The following ANKRD30B variants were observed in gnomAD, a reference collection of about 807,000 sequenced individuals.
ANKRD30B encodes the protein ankyrin repeat domain-containing protein 30B.
Under a neutral mutation model 202.2 loss-of-function variants are expected in ANKRD30B, and 144 were observed. The ratio of observed to expected loss-of-function variants is 0.71; its 90% CI spans 0.62 to 0.82. The LOEUF is 0.82. Ranked by LOEUF, ANKRD30B falls within the 40% of genes least tolerant of loss-of-function variation. The pLI is 0.00. For synonymous variants in ANKRD30B, 508 were observed against 561.3 expected, an observed-to-expected ratio of 0.91 and a Z score of 1.34; for missense variants, 1,487 against 1,669.1, an observed-to-expected ratio of 0.89 and a Z score of 1.90.
chr18:14,819,516 A>T lies in ANKRD30B; in HGVS notation c.2642-2967A>T, dbSNP rs9960064. 1.4e-3 allele frequency among the ~76,000 whole-genome samples: 212 copies of T among 152,170 alleles called. 2 individuals are homozygous for T. Among genetic ancestry groups the T allele is most frequent in the African/African-American group, 5.0e-3 (206 of 41,526 alleles). On this transcript the variant is annotated intron_variant, in intron 30 of 43. Coordinates refer to ENST00000690538, the MANE Select transcript of ANKRD30B (RefSeq NM_001367607.2). ...TTTAGGTCTAACGTTTAAGTCTTTA[A>T]TCCATCTTGAATTACTTTTTGTATA...
At chr18:14,809,647 T>G (rs34188432) in intron 26 of ANKRD30B, among the ~76,000 whole-genome samples, 2 of 150,940 alleles carry the variant, frequency 1.3e-5, no homozygotes, top group Admixed American at 6.6e-5. Context: ...CCTCCCTGAC[T>G]GCACGTCCAT....
At chr18:14,753,526 G>C (rs1325707249) in intron 3 of ANKRD30B, among the ~76,000 whole-genome samples, 2 of 152,108 alleles carry the variant, frequency 1.3e-5, no homozygotes, top group African/African-American at 4.8e-5. Flanking sequence ...TTTTGCCTCT[G>C]TAAATATTTC....
In ANKRD30B at chr18:14,786,039, C is replaced by T. The variant is rs1331231425; in HGVS notation, c.1673-1000C>T. The stretch of plus-strand genomic sequence containing the variant: ...CGGCCTGGGCGACAGAGCGAGACTC[C>T]GTCTCAAAAAAAAAAAAAAAAAAAA... On this transcript the variant is annotated intron_variant, in intron 14 of 43. Coordinates refer to ENST00000690538, the MANE Select transcript of ANKRD30B (RefSeq NM_001367607.2). Among the ~76,000 whole-genome samples, 24 of 111,918 alleles carry T rather than the reference C, an allele frequency of 2.1e-4. No homozygotes were observed. In the South Asian group the frequency reaches 3.7e-3, roughly 17 times the overall value. The allele number at this position is 111,918 out of a possible 152,430, so 73.4% of individuals were successfully genotyped here. A position where few individuals can be genotyped will look rare whatever the true frequency, so the allele number is the denominator to read the frequency against.
the ANKRD30B span, among the ~76,000 whole-genome samples, chr18:14,885,007 G>A: frequency 1.3e-5 from 2 of 152,012 alleles, no homozygotes; most frequent in Non-Finnish European, 2.9e-5. Context: ...TTCATATTAA[G>A]ATACATATTG....
downstream of ANKRD30B, among the ~76,000 whole-genome samples, chr18:14,859,029 G>A (rs867138354): frequency 8.3e-5 from 9 of 107,828 alleles, no homozygotes; most frequent in Middle Eastern, 0.011. Context: ...CAGACTGGGC[G>A]GCCAGGCAGA....
chr18:14,795,472 C>T (rs989014963), intron 16 of ANKRD30B, among the ~76,000 whole-genome samples: 2 of 152,196 alleles, frequency 1.3e-5, no homozygotes, highest in African/African-American at 2.4e-5. Flanking sequence ...TCTGGAGTTA[C>T]AGGCATGAGC....
At chr18:14,868,395 C>T in the ANKRD30B span, among the ~76,000 whole-genome samples, 1 of 152,276 alleles carries the variant, frequency 6.6e-6, no homozygotes, top group Admixed American at 6.5e-5. Flanking sequence ...TTGTTTTGTT[C>T]TTAACAGAAT....
chr18:14,831,188 A>AAAAC (rs1293424619), intron 33 of ANKRD30B, among the ~76,000 whole-genome samples, 195 bp from the exon 34 acceptor site: 2 of 150,722 alleles, frequency 1.3e-5, no homozygotes, highest in African/African-American at 4.9e-5. Flanking sequence ...TCGGAAAAAA[A>AAAAC]AAAAAAAAAA....
chr18:14,889,035 C>A, the ANKRD30B span: 6 of 444,340 alleles, frequency 1.4e-5, no homozygotes, highest in Admixed American at 4.2e-5. Context: ...ATTGAGCAGG[C>A]CTAATGTGGA....
chr18:14,915,674 T>A, the ANKRD30B span: 1 of 152,184 alleles, frequency 6.6e-6, no homozygotes, highest in Non-Finnish European at 1.5e-5. Flanking sequence ...CTCCTGAGAC[T>A]CAACTGTATT....
chr18:14,850,884 C>A (rs1971854367), intron 41 of ANKRD30B, among the ~76,000 whole-genome samples: 1 of 151,880 alleles, frequency 6.6e-6, no homozygotes, highest in Non-Finnish European at 1.5e-5. Flanking sequence ...GATGTAGACT[C>A]AGAAGACTTG....
At chr18:14,822,881 T>G (rs1970492845) in intron 32 of ANKRD30B, among the ~76,000 whole-genome samples, 2 of 144,452 alleles carry the variant, frequency 1.4e-5, no homozygotes, top group African/African-American at 5.2e-5. Context: ...AATTCTACTG[T>G]ACCTCATGTG....
chr18:14,893,348 C>T, the ANKRD30B span, among the ~76,000 whole-genome samples: 5 of 152,168 alleles, frequency 3.3e-5, no homozygotes, highest in East Asian at 1.9e-4. Flanking sequence ...CAGTGGCTCA[C>T]GCCTGTAATC....
intron 3 of ANKRD30B, among the ~76,000 whole-genome samples, chr18:14,753,243 C>G (rs1354355834): frequency 6.6e-6 from 1 of 152,026 alleles, no homozygotes; most frequent in Admixed American, 6.6e-5. Flanking sequence ...AAAGGTAAAA[C>G]TTTTTCAAAT....
intron 34 of ANKRD30B, among the ~76,000 whole-genome samples, chr18:14,831,899 A>G (rs1425040819): frequency 1.3e-5 from 2 of 152,214 alleles, no homozygotes; most frequent in Non-Finnish European, 2.9e-5. Context: ...CCAGTTACTT[A>G]TTACAGTAAT....
intron 36 of ANKRD30B, among the ~76,000 whole-genome samples, chr18:14,839,916 T>C (rs1971344426): frequency 1.3e-5 from 2 of 152,222 alleles, no homozygotes. Flanking sequence ...TTTAATCATA[T>C]TGTATTTTGT....
At chr18:14,835,413 C>G (rs2143128570) in intron 34 of ANKRD30B, among the ~76,000 whole-genome samples, 1 of 151,630 alleles carries the variant, frequency 6.6e-6, no homozygotes, top group South Asian at 2.1e-4. Flanking sequence ...ACTTTTTACA[C>G]TTAAAAGTAT....
chr18:14,833,054 A>G (rs1971021427), intron 34 of ANKRD30B, among the ~76,000 whole-genome samples: 1 of 150,788 alleles, frequency 6.6e-6, no homozygotes, highest in African/African-American at 2.4e-5. Context: ...CTCCTGCGTC[A>G]GCCTCCTGTG....
chr18:14,839,913 A>G (rs1971344330), intron 36 of ANKRD30B, among the ~76,000 whole-genome samples: 1 of 152,230 alleles, frequency 6.6e-6, no homozygotes, highest in East Asian at 1.9e-4. Context: ...ATGTTTAATC[A>G]TATTGTATTT....
Sources: gnomAD v4.1 joint callset for allele counts (sites outside exome capture counted in the v4.1 genomes callset) on GRCh38, gnomAD v4.1.1 for gene constraint, MANE v1.5 for transcripts, NCBI Gene and HGNC (gene_info 2026-07-23, HGNC 2026-07-21) for gene names.